Variants in CATSPERB observed in about 807,000 individuals in gnomAD.
CATSPERB encodes cation channel sperm-associated auxiliary subunit beta.
In CATSPERB, 93 loss-of-function variants were observed where a neutral mutation model predicts 128.3. The ratio of observed to expected loss-of-function variants is 0.72; its 90% CI spans 0.61 to 0.86. The LOEUF is 0.86. Ranked by LOEUF, CATSPERB falls within the 40% of genes least tolerant of loss-of-function variation. CATSPERB has a pLI of 0.00. For synonymous variants in CATSPERB, 381 were observed against 448.8 expected (o/e 0.85, Z 1.91); for missense variants, 1,153 against 1,329.5 (o/e 0.87, Z 2.06).
intron 17 of CATSPERB, among the ~76,000 whole-genome samples, chr14:91,634,398 A>G (rs1894332298): frequency 6.6e-6 from 1 of 152,064 alleles, no homozygotes; most frequent in Non-Finnish European, 1.5e-5. Context: ...TTGTTCAAGG[A>G]TCAATTGTAC....
intron 13 of CATSPERB, among the ~76,000 whole-genome samples, chr14:91,670,816 CAACATGGCAA>C (rs1174788807): frequency 5.9e-5 from 9 of 152,060 alleles, no homozygotes; most frequent in African/African-American, 2.2e-4. Context: ...CCAGCCTGGA[CAACATGGCAA>C]AACCCTGTCT....
intron 15 of CATSPERB, among the ~76,000 whole-genome samples, chr14:91,656,602 A>C (rs1266577059): frequency 6.6e-6 from 1 of 152,148 alleles, no homozygotes; most frequent in Non-Finnish European, 1.5e-5. Context: ...GAGAAGGAAG[A>C]GAAGACCACA....
intron 22 of CATSPERB, 32 bp downstream of exon 22, chr14:91,608,262 A>C: frequency 7.8e-7 from 1 of 1,276,032 alleles, no homozygotes; most frequent in Non-Finnish European, 1.1e-6. Context: ...AATTCAAATA[A>C]GTGCTAGATT....
In CATSPERB at chr14:91,639,185, A is replaced by C. The variant is rs1414678686; in HGVS notation, c.1498T>G (p.Leu500Val). 1 of 1,613,930 alleles carries C rather than the reference A, an allele frequency of 6.2e-7. No individual in the cohort carries two copies. Among genetic ancestry groups the C allele is most frequent in the East Asian group, 2.2e-5 (1 of 44,876 alleles). ...ERIFTLYYDHLGFLHKLTLGR... is the reference protein window; with the variant it reads ...ERIFTLYYDHVGFLHKLTLGR... ...AGAGTCAGCTTATGTAGGAATCCCA[A>C]GTGATCATAGTATAATGTGAAAATT... Residue 500 changes from leucine to valine, a missense_variant, in exon 16 of 27, where the codon TTG (leucine) becomes GTG (valine). Physicochemically the swap from Leu to Val is conservative, Grantham distance 32. Coordinates refer to ENST00000256343, the MANE Select transcript of CATSPERB (RefSeq NM_024764.4).
chr14:91,717,400 T>C (rs1346033291), intron 5 of CATSPERB, among the ~76,000 whole-genome samples: 2 of 152,208 alleles, frequency 1.3e-5, no homozygotes, highest in Admixed American at 6.5e-5. Context: ...AATTATGTAG[T>C]GTAAATCAAG....
intron 2 of CATSPERB, among the ~76,000 whole-genome samples, chr14:91,728,794 G>A (rs1896161636): frequency 6.6e-6 from 1 of 152,146 alleles, no homozygotes; most frequent in African/African-American, 2.4e-5. Context: ...ACCACCAATG[G>A]AATGCCTGCT....
rs1027748579 is a variant in CATSPERB, at chr14:91,580,775, T to C, written c.*114A>G. On this transcript the variant is annotated 3_prime_UTR_variant, in exon 27 of 27. Transcript: ENST00000256343. ...TATTGACAAGTAGCAATTTGAATTA[T>C]AATGACAATTCTTTAGGATTTTATG... is the stretch of plus-strand genomic sequence containing the variant. The C allele has an allele frequency of 3.8e-5, 30 of 780,540 alleles. No homozygotes were observed. Among genetic ancestry groups the C allele is most frequent in the Non-Finnish European group, 5.9e-5 (29 of 489,924 alleles). The allele number at this position is 780,540 out of a possible 1,614,324, so 48.4% of individuals were successfully genotyped here.
intron 16 of CATSPERB, among the ~76,000 whole-genome samples, chr14:91,637,070 A>G (rs1894389170): frequency 6.6e-6 from 1 of 152,190 alleles, no homozygotes; most frequent in Non-Finnish European, 1.5e-5. Context: ...CTCCCCTTGC[A>G]GTCTACCCAG....
At chr14:91,648,337 A>G (rs1894642374) in intron 15 of CATSPERB, among the ~76,000 whole-genome samples, 1 of 152,224 alleles carries the variant, frequency 6.6e-6, no homozygotes, top group Admixed American at 6.5e-5. Flanking sequence ...AACTGGGTTC[A>G]GTTTACCTGC....
At chr14:91,613,420 T>C (rs17261246) in intron 20 of CATSPERB, among the ~76,000 whole-genome samples, 9,420 of 152,148 alleles carry the variant, frequency 0.062, 735 homozygotes, top group East Asian at 0.41. Flanking sequence ...CGTCTAAAAG[T>C]GTATATACCA....
chr14:91,664,020 C>T (rs112204153), intron 14 of CATSPERB, among the ~76,000 whole-genome samples: 4 of 152,186 alleles, frequency 2.6e-5, no homozygotes, highest in Non-Finnish European at 5.9e-5. Flanking sequence ...CTTAGACAAA[C>T]GTGTAATGGC....
At chr14:91,722,672 G>A (rs1049069835) in intron 4 of CATSPERB, among the ~76,000 whole-genome samples, 1 of 152,048 alleles carries the variant, frequency 6.6e-6, no homozygotes, top group African/African-American at 2.4e-5. Flanking sequence ...TCTTAATAAA[G>A]TTGTTGCCAA....
intron 11 of CATSPERB, among the ~76,000 whole-genome samples, chr14:91,677,119 C>T (rs1373568731): frequency 6.6e-6 from 1 of 152,110 alleles, no homozygotes; most frequent in Non-Finnish European, 1.5e-5. Context: ...CCATAAAAAT[C>T]CTGGAAGAAA....
At chr14:91,624,145 T>C (rs1429929883) in intron 18 of CATSPERB, among the ~76,000 whole-genome samples, 9 of 152,102 alleles carry the variant, frequency 5.9e-5, no homozygotes, top group South Asian at 2.1e-4. Context: ...GTCAGGAGTT[T>C]GAGACCAGCC....
At position 91,727,595 on chromosome 14, in the gene CATSPERB, C is replaced by T. The variant is rs116018815; in HGVS notation, c.79+1806G>A. ...AAAGTACTTTCAACTTATGCAGTCACTTTGCCCATACTTGACAATGCTATC... is the reference window on the plus strand; with the variant it reads ...AAAGTACTTTCAACTTATGCAGTCATTTTGCCCATACTTGACAATGCTATC... On this transcript the variant is annotated intron_variant, in intron 2 of 26. Transcript: ENST00000256343. Among the ~76,000 whole-genome samples, 792 of 152,334 alleles carry T rather than the reference C, an allele frequency of 5.2e-3. 7 individuals carry two copies. The highest frequency in any genetic ancestry group is 0.018 in the African/African-American group (740 of 41,572).
rs12878513 is a variant in CATSPERB, at chr14:91,657,860, C to T, written c.1432+1977G>A. ...GTTAAAATAGCTTTTATCGAAAAGA[C>T]AGGCAATAATGAATGCTGGTGAGGA... On this transcript the variant is annotated intron_variant, in intron 15 of 26. Coordinates refer to ENST00000256343, the MANE Select transcript of CATSPERB (RefSeq NM_024764.4). Among the ~76,000 whole-genome samples, 438 of 151,986 alleles carry T rather than the reference C, an allele frequency of 2.9e-3. 1 individual carries two copies. The highest frequency in any genetic ancestry group is 0.017 in the Middle Eastern group (5 of 294).
At chr14:91,615,806 G>A (rs1893924839) in intron 20 of CATSPERB, among the ~76,000 whole-genome samples, 1 of 151,722 alleles carries the variant, frequency 6.6e-6, no homozygotes, top group Non-Finnish European at 1.5e-5. Context: ...AATATTTTGG[G>A]TAAATACCTC....
chr14:91,642,794 T>C, intron 15 of CATSPERB, among the ~76,000 whole-genome samples: 5 of 144,308 alleles, frequency 3.5e-5, no homozygotes, highest in Non-Finnish European at 6.1e-5. Context: ...GTACCAGTTC[T>C]TCCTTGTACC....
intron 15 of CATSPERB, among the ~76,000 whole-genome samples, chr14:91,640,347 A>C (rs1894470092): frequency 2.1e-5 from 3 of 140,126 alleles, no homozygotes; most frequent in Admixed American, 7.1e-5. Context: ...GCACCCACTA[A>C]CTCGTCATCT....
Sources: gnomAD v4.1 joint callset for allele counts (sites outside exome capture counted in the v4.1 genomes callset) on GRCh38, gnomAD v4.1.1 for gene constraint, MANE v1.5 for transcripts, NCBI Gene and HGNC (gene_info 2026-07-23, HGNC 2026-07-21) for gene names.